The following TENT4B variants were observed in gnomAD, a reference collection of about 807,000 sequenced individuals.
TENT4B encodes PAP associated domain containing 5.
In TENT4B, 10 loss-of-function variants were observed where a neutral mutation model predicts 75.0. The ratio of observed to expected loss-of-function variants is 0.13; its 90% CI spans 0.08 to 0.23. The LOEUF is 0.23. Among genes scored for constraint, TENT4B ranks in the 10% least tolerant of loss-of-function variants. TENT4B has a pLI of 1.00. For synonymous variants in TENT4B, 350 were observed against 357.7 expected (o/e 0.98, Z 0.24); for missense variants, 579 against 893.8 (o/e 0.65, Z 4.49).
At chr16:50,199,516 T>C (rs1387684977) in intron 1 of TENT4B, among the ~76,000 whole-genome samples, 3 of 152,226 alleles carry the variant, frequency 2.0e-5, no homozygotes, top group Admixed American at 6.5e-5. Context: ...ATTTTGTGTT[T>C]CACCTATTAA....
At chr16:50,160,916 A>T (rs904003634) in intron 1 of TENT4B, among the ~76,000 whole-genome samples, 1 of 152,186 alleles carries the variant, frequency 6.6e-6, no homozygotes, top group Non-Finnish European at 1.5e-5. Context: ...ACTTACACAC[A>T]CATAGGTATA....
upstream of TENT4B, among the ~76,000 whole-genome samples, chr16:50,153,209 G>C (rs1236257227): frequency 3.6e-5 from 5 of 137,166 alleles, no homozygotes; most frequent in South Asian, 7.1e-4. Flanking sequence ...AGCGAGAGGG[G>C]CGGAGCCGGC....
chr16:50,191,388 G>C (rs2038635505), intron 1 of TENT4B, among the ~76,000 whole-genome samples: 1 of 151,968 alleles, frequency 6.6e-6, no homozygotes, highest in African/African-American at 2.4e-5. Context: ...TTTTTTGATA[G>C]AATAGCCATC....
rs377025509 is a variant in TENT4B, at chr16:50,222,297, C to G, written c.1039-9C>G. ...AGGAATTCATTGAAAATACAATTTT[C>G]TTTTTCAGAAATATCCTGTATTGCC... is the stretch of plus-strand genomic sequence containing the variant. On this transcript the variant is annotated splice_polypyrimidine_tract_variant and intron_variant, in intron 5 of 11. Transcript: ENST00000561678. The G allele has an allele frequency of 4.1e-5, 65 of 1,571,790 alleles. No individual in the cohort carries two copies. In the African/African-American group the frequency reaches 8.4e-4, roughly 20 times the overall value.
At chr16:50,189,674 A>G (rs1378727732) in intron 1 of TENT4B, among the ~76,000 whole-genome samples, 1 of 152,108 alleles carries the variant, frequency 6.6e-6, no homozygotes, top group Non-Finnish European at 1.5e-5. Context: ...CAATTCCAGG[A>G]TGTAATTCAG....
chr16:50,214,198 A>C (rs776338649), intron 2 of TENT4B, 23 bp from the exon 3 acceptor site: 3 of 1,534,140 alleles, frequency 2.0e-6, no homozygotes, highest in Non-Finnish European at 2.7e-6. Context: ...TCAATATAAT[A>C]ACAACTTCTT....
intron 1 of TENT4B, among the ~76,000 whole-genome samples, chr16:50,155,199 C>T (rs1310983968): frequency 2.6e-5 from 4 of 151,338 alleles, no homozygotes; most frequent in African/African-American, 9.7e-5. Flanking sequence ...GATCTCCCTT[C>T]AGAAGAGTCC....
chr16:50,176,084 A>G (rs1022753513), intron 1 of TENT4B, among the ~76,000 whole-genome samples: 6 of 150,634 alleles, frequency 4.0e-5, no homozygotes, highest in Non-Finnish European at 8.9e-5. Context: ...AGCCCAGCCA[A>G]TATAATTCTT....
Position 50,230,538 on chromosome 16 carries a change from G to A in TENT4B, c.*1210G>A. On this transcript the variant is annotated 3_prime_UTR_variant, in exon 12 of 12. Transcript: ENST00000561678. ...TCTTATATTCCACTCTATGCTTTTGGTATTGTTGATCTTTACAAATTAAAT... is the reference window on the plus strand; with the variant it reads ...TCTTATATTCCACTCTATGCTTTTGATATTGTTGATCTTTACAAATTAAAT... 1 of 976,890 alleles carries A rather than the reference G, an allele frequency of 1.0e-6. No individual in the cohort carries two copies. Among genetic ancestry groups the A allele is most frequent in the South Asian group, 4.7e-5 (1 of 21,072 alleles). 60.5% of individuals were successfully genotyped at this position (976,890 alleles called of 1,614,324 possible). A position where few individuals can be genotyped will look rare whatever the true frequency, so the allele number is the denominator to read the frequency against.
intron 1 of TENT4B, among the ~76,000 whole-genome samples, chr16:50,173,840 C>T (rs2038251563): frequency 6.6e-6 from 1 of 151,298 alleles, no homozygotes; most frequent in Non-Finnish European, 1.5e-5. Context: ...ATTACAGGCG[C>T]CCGCCACCAT....
chr16:50,204,865 CTT>C (rs57021757), intron 1 of TENT4B, among the ~76,000 whole-genome samples: 100,426 of 151,756 alleles, frequency 0.66, 35,263 homozygotes, highest in Non-Finnish European at 0.76. Context: ...CATGCAGAAA[CTT>C]TGCAAAATGT....
chr16:50,220,106 A>G (rs2031757853), intron 5 of TENT4B, among the ~76,000 whole-genome samples: 1 of 151,476 alleles, frequency 6.6e-6, no homozygotes, highest in African/African-American at 2.4e-5. Context: ...CTCCTGCCTT[A>G]GCCTCCTGAG....
At chr16:50,155,296 T>TGTGTGG (rs754332877) in intron 1 of TENT4B, among the ~76,000 whole-genome samples, 6 of 151,488 alleles carry the variant, frequency 4.0e-5, no homozygotes, top group Admixed American at 1.3e-4. Context: ...TGTGTGTGTG[T>TGTGTGG]GTGTGTGTGT....
intron 1 of TENT4B, among the ~76,000 whole-genome samples, chr16:50,184,535 C>T (rs529595365): frequency 6.6e-6 from 1 of 152,052 alleles, no homozygotes; most frequent in Non-Finnish European, 1.5e-5. Context: ...GGCGTGGTGG[C>T]GGGCGCCTAT....
chr16:50,214,475 G>C (rs1193410893), intron 3 of TENT4B, among the ~76,000 whole-genome samples: 1 of 152,104 alleles, frequency 6.6e-6, no homozygotes, highest in Non-Finnish European at 1.5e-5. Flanking sequence ...GGCCAACATG[G>C]TAAAACCCCA....
In TENT4B at chr16:50,232,878, T is replaced by C. The variant is rs571208368; in HGVS notation, c.*3550T>C. The stretch of plus-strand genomic sequence containing the variant: ...CAGTGTTTCTGTCACTAACCAAGAA[T>C]GTTTCTAGGCAGTTGGTTGCTTCAC... On this transcript the variant is annotated 3_prime_UTR_variant, in exon 12 of 12. Coordinates refer to ENST00000561678, the MANE Select transcript of TENT4B (RefSeq NM_001365324.3). The C allele has an allele frequency of 1.3e-5, 13 of 985,378 alleles. No individual in the cohort carries two copies. In the South Asian group the frequency reaches 6.1e-4, roughly 46 times the overall value. 61.0% of individuals were successfully genotyped at this position (985,378 alleles called of 1,614,324 possible).
intron 2 of TENT4B, among the ~76,000 whole-genome samples, chr16:50,212,927 T>C (rs1266742965): frequency 6.6e-6 from 1 of 151,980 alleles, no homozygotes; most frequent in East Asian, 1.9e-4. Flanking sequence ...TAGGTGGAGG[T>C]TGATTATCTA....
chr16:50,171,897 G>GGAGGTTGCAGTGAGCTAACGCAGCA (rs1376914027), intron 1 of TENT4B, among the ~76,000 whole-genome samples: 14 of 152,084 alleles, frequency 9.2e-5, no homozygotes, highest in Admixed American at 3.3e-4. Flanking sequence ...CCCGGGAGGT[G>GGAGGTTGCAGTGAGCTAACGCAGCA]GAGGTTGCAG....
upstream of TENT4B, chr16:50,153,027 G>A: frequency 2.6e-6 from 4 of 1,515,008 alleles, no homozygotes; most frequent in Non-Finnish European, 3.5e-6. Context: ...GCTCCCGGAC[G>A]CCCAGGTACG....
Sources: allele counts gnomAD v4.1 joint callset (sites outside exome capture counted in the v4.1 genomes callset), GRCh38; gene constraint gnomAD v4.1.1; transcripts MANE v1.5; gene names NCBI Gene and HGNC (gene_info 2026-07-23, HGNC 2026-07-21).